The following LONP2 variants were observed in gnomAD, a reference collection of about 807,000 sequenced individuals.
LONP2 encodes the protein lon protease homolog 2, peroxisomal.
Under a neutral mutation model 85.6 loss-of-function variants are expected in LONP2, and 60 were observed. That is an observed-to-expected ratio of 0.70 (90% confidence interval 0.57 to 0.87). LONP2 has a LOEUF of 0.87. LONP2 is among the 40% of genes least tolerant of loss of function. The pLI, the probability that LONP2 is intolerant of heterozygous loss-of-function variation, is 0.00. For missense variants in LONP2, 860 were observed against 1,063.5 expected (o/e 0.81, Z 2.66); for synonymous variants, 395 against 389.7 (o/e 1.01, Z -0.16).
chr16:48,319,939 G>T (rs555820207), intron 11 of LONP2, among the ~76,000 whole-genome samples: 4 of 152,042 alleles, frequency 2.6e-5, no homozygotes, highest in African/African-American at 9.6e-5. Context: ...GAGGTGGGTG[G>T]GTCACGAGGT....
chr16:48,254,190 T>C (rs992126135), intron 2 of LONP2, among the ~76,000 whole-genome samples: 1 of 152,208 alleles, frequency 6.6e-6, no homozygotes, highest in Non-Finnish European at 1.5e-5. Flanking sequence ...TAGTATAACA[T>C]TAAGACCGTT....
In LONP2 at chr16:48,279,385, T is replaced by A. The variant is rs1972279183; in HGVS notation, c.1383+1906T>A. On this transcript the variant is annotated intron_variant, in intron 8 of 14. Transcript: ENST00000285737. ...GAATCTTCTACTCAATAGCTTTAAG[T>A]CTTCCTTCTTAGGATGGTCAGATTC... Among the ~76,000 whole-genome samples, 3 of 152,194 alleles carry A rather than the reference T, an allele frequency of 2.0e-5. No homozygotes were observed. In the South Asian group the frequency reaches 6.2e-4, roughly 32 times the overall value.
At chr16:48,351,294 T>G (rs530674722) in intron 14 of LONP2, among the ~76,000 whole-genome samples, 100 of 152,290 alleles carry the variant, frequency 6.6e-4, no homozygotes, top group Admixed American at 1.2e-3. Flanking sequence ...CCAATTTACT[T>G]TGACAGCATT....
rs891040012 is a variant in LONP2 at position 48,362,663 on chromosome 16, A to G, written c.*800A>G. On this transcript the variant is annotated 3_prime_UTR_variant, in exon 5 of 5. Transcript: ENST00000565867. This position sits in a 1 kb window ranked among gnomAD's most constrained non-coding sequence, Gnocchi z 4.2. ...CTCTTTTCAAAATGTTCCGGAAAACATGTGGAACTCCCTTAATCGTCTTTG... is the reference window on the plus strand; with the variant it reads ...CTCTTTTCAAAATGTTCCGGAAAACGTGTGGAACTCCCTTAATCGTCTTTG... 1 of 489,172 alleles carries G rather than the reference A, an allele frequency of 2.0e-6. No homozygotes were observed. The highest frequency in any genetic ancestry group is 2.0e-5 in the African/African-American group (1 of 50,938). 30.3% of individuals were successfully genotyped at this position (489,172 alleles called of 1,614,324 possible). A position where few individuals can be genotyped will look rare whatever the true frequency, so the allele number is the denominator to read the frequency against.
Position 48,312,502 on chromosome 16 carries a change from T to C in LONP2, c.1795+9197T>C, listed in dbSNP as rs549801964. On this transcript the variant is annotated intron_variant, in intron 11 of 14. Transcript: ENST00000285737. ...GGATGTATCTATTATGTATGTTGAG[T>C]AGGGTCATTTGGCTTTGCTTCAGGG... is the stretch of plus-strand genomic sequence containing the variant. 2.6e-5 allele frequency among the ~76,000 whole-genome samples: 4 copies of C among 152,272 alleles called. No individual in the cohort carries two copies. The East Asian group carries it at 7.7e-4, about 29-fold the overall frequency.
intron 11 of LONP2, among the ~76,000 whole-genome samples, chr16:48,304,426 A>G (rs1485081373): frequency 6.6e-6 from 1 of 152,210 alleles, no homozygotes; most frequent in Non-Finnish European, 1.5e-5. Context: ...TTAACTGGCC[A>G]GGCACAGTGG....
intron 12 of LONP2, among the ~76,000 whole-genome samples, chr16:48,337,082 A>G (rs1567349144): frequency 1.3e-5 from 2 of 152,194 alleles, no homozygotes; most frequent in African/African-American, 2.4e-5. Flanking sequence ...ATTCCATTTT[A>G]CATACAAGGG....
In LONP2 at chr16:48,288,224, G is replaced by A. The variant is rs113367037; in HGVS notation, c.1384-7791G>A. On this transcript the variant is annotated intron_variant, in intron 8 of 14. Coordinates refer to ENST00000285737, the MANE Select transcript of LONP2 (RefSeq NM_031490.5). ...GCTGGAGTGCAATAGTGCAATCTTG[G>A]CTCACTGCAACCTCTGCCTCCCAGG... Among the ~76,000 whole-genome samples, 983 of 148,590 alleles carry A rather than the reference G, an allele frequency of 6.6e-3. 12 individuals carry two copies. The highest frequency in any genetic ancestry group is 0.023 in the African/African-American group (936 of 40,168).
intron 8 of LONP2, among the ~76,000 whole-genome samples, chr16:48,289,239 C>T (rs1451756326): frequency 6.6e-6 from 1 of 152,164 alleles, no homozygotes; most frequent in African/African-American, 2.4e-5. Flanking sequence ...CATGACACAG[C>T]CTCAGGAGGT....
At chr16:48,250,681 A>G (rs1026348144) in intron 1 of LONP2, among the ~76,000 whole-genome samples, 1 of 152,202 alleles carries the variant, frequency 6.6e-6, no homozygotes, top group African/African-American at 2.4e-5. Context: ...ATATACAAAC[A>G]GGACTGTGAG....
chr16:48,261,623 C>A, intron 5 of LONP2, 36 bp downstream of exon 5: 1 of 1,451,282 alleles, frequency 6.9e-7, no homozygotes, highest in South Asian at 1.5e-5. Context: ...TTATTGTTTT[C>A]ATTCTTGGTA....
chr16:48,318,325 C>A, intron 11 of LONP2, among the ~76,000 whole-genome samples: 1 of 151,976 alleles, frequency 6.6e-6, no homozygotes, highest in Non-Finnish European at 1.5e-5. Context: ...TTGAGACCAG[C>A]CTGGCCAACA....
rs1443336801 is a variant in LONP2 at position 48,353,599 on chromosome 16, C to T, written c.*1797C>T. The stretch of plus-strand genomic sequence containing the variant: ...ATGCATTGAGAGGAAAAGTCCAGAC[C>T]TAGGACTAGTTATGGCAGTTGGAGA... On this transcript the variant is annotated 3_prime_UTR_variant, in exon 15 of 15. Coordinates refer to ENST00000285737, the MANE Select transcript of LONP2 (RefSeq NM_031490.5). 6.6e-6 allele frequency: 1 copy of T among 151,916 alleles called. No individual in the cohort carries two copies. Among genetic ancestry groups the T allele is most frequent in the Non-Finnish European group, 1.5e-5 (1 of 68,028 alleles). The allele number at this position is 151,916 out of a possible 1,614,324, so 9.4% of individuals were successfully genotyped here. A position where few individuals can be genotyped will look rare whatever the true frequency, so the allele number is the denominator to read the frequency against.
chr16:48,248,148 G>A (rs1284986111), intron 1 of LONP2, among the ~76,000 whole-genome samples: 2 of 151,858 alleles, frequency 1.3e-5, no homozygotes, highest in Non-Finnish European at 2.9e-5. Context: ...TTTTGAGACA[G>A]GGTCTCACTC....
At chr16:48,280,121 C>G (rs1709130949) in intron 8 of LONP2, among the ~76,000 whole-genome samples, 1 of 152,094 alleles carries the variant, frequency 6.6e-6, no homozygotes, top group South Asian at 2.1e-4. Context: ...AGATCATTAC[C>G]TTCTGGCTCC....
intron 6 of LONP2, among the ~76,000 whole-genome samples, chr16:48,264,330 G>T (rs1397548176): frequency 5.3e-5 from 8 of 152,272 alleles, no homozygotes; most frequent in African/African-American, 1.9e-4. Flanking sequence ...CCAGTTCAGA[G>T]ACCTACCCCT....
At chr16:48,267,726 C>T (rs2150974579) in intron 6 of LONP2, among the ~76,000 whole-genome samples, 1 of 152,288 alleles carries the variant, frequency 6.6e-6, no homozygotes, top group Admixed American at 6.5e-5. Context: ...AGTGACTCTC[C>T]TGCCCTAGTC....
At chr16:48,317,345 T>C (rs1050964856) in intron 11 of LONP2, among the ~76,000 whole-genome samples, 17 of 152,226 alleles carry the variant, frequency 1.1e-4, no homozygotes, top group African/African-American at 3.9e-4. Context: ...TGACAACCTC[T>C]AATTTTCAGA....
At chr16:48,293,431 A>T (rs189550817) in intron 8 of LONP2, among the ~76,000 whole-genome samples, 137 of 152,308 alleles carry the variant, frequency 9.0e-4, no homozygotes, top group African/African-American at 3.1e-3. Flanking sequence ...GTCTCAAAAA[A>T]AAAAAAGAAT....
Sources: allele counts gnomAD v4.1 joint callset (sites outside exome capture counted in the v4.1 genomes callset), GRCh38; gene constraint gnomAD v4.1.1; non-coding constraint Gnocchi (gnomAD v3.1); transcripts MANE v1.5; gene names NCBI Gene and HGNC (gene_info 2026-07-23, HGNC 2026-07-21).